ANKFN1: variants seen among roughly 807,000 people sequenced by gnomAD.
ANKFN1 encodes ankyrin repeat and fibronectin type III domain containing 1, also known as ankyrin repeat and fibronectin type-III domain-containing protein 1.
ANKFN1 carries 74 observed loss-of-function variants against 108.7 expected under a neutral mutation model. That is an observed-to-expected ratio of 0.68 (90% CI 0.56 to 0.83). The LOEUF (loss-of-function observed/expected upper bound fraction) is 0.83. Among genes scored for constraint, ANKFN1 ranks in the 40% least tolerant of loss-of-function variants. The pLI, the probability that ANKFN1 is intolerant of heterozygous loss-of-function variation, is 0.00. For synonymous variants in ANKFN1, 547 were observed against 516.2 expected, an observed-to-expected ratio of 1.06 and a Z score of -0.81; for missense variants, 1,505 against 1,382.3, an observed-to-expected ratio of 1.09 and a Z score of -1.41.
At chr17:56,360,866 T>C (rs938484776) in intron 6 of ANKFN1, among the ~76,000 whole-genome samples, 5 of 152,200 alleles carry the variant, frequency 3.3e-5, no homozygotes, top group Non-Finnish European at 7.3e-5. Context: ...ATATATGTGT[T>C]GTGTAAAGAT....
rs201314277 is a variant in ANKFN1 at position 56,069,142 on chromosome 17, TGTGTGG to T, written c.288+22821_288+22826del. 7.2e-3 allele frequency among the ~76,000 whole-genome samples: 1,101 copies of T among 152,326 alleles called. 15 individuals are homozygous for T. The highest frequency in any genetic ancestry group is 0.025 in the African/African-American group (1,032 of 41,570). On this transcript the variant is annotated intron_variant, in intron 4 of 12. Transcript: ENST00000635860. ...AATTTAGGCCAACCATGAAAATGTTTGTGTGGGTGCTCACAAAGAACAATACTGTTG... is the reference window on the plus strand; with the variant it reads ...AATTTAGGCCAACCATGAAAATGTTTGTGCTCACAAAGAACAATACTGTTG...
chr17:56,430,867 G>T lies in ANKFN1; in HGVS notation c.911-9460G>T, dbSNP rs538466120. 3.3e-5 allele frequency among the ~76,000 whole-genome samples: 5 copies of T among 152,288 alleles called. No homozygotes were observed. In the South Asian group the frequency reaches 1.0e-3, roughly 32 times the overall value. Reference sequence around the variant, plus strand: ...GGAACAGTATTTGGTGCTCTGAGAGGATATACCAGGACCCAATGTTGTCTT... The same window carrying T: ...GGAACAGTATTTGGTGCTCTGAGAGTATATACCAGGACCCAATGTTGTCTT... On this transcript the variant is annotated intron_variant, in intron 8 of 20. Transcript: ENST00000682825.
upstream of ANKFN1, chr17:56,153,450 G>A: frequency 6.2e-7 from 1 of 1,601,160 alleles, no homozygotes; most frequent in Non-Finnish European, 8.6e-7. Flanking sequence ...CATTCGCAAA[G>A]GGGTTTCCCT....
intron 1 of ANKFN1, among the ~76,000 whole-genome samples, chr17:56,179,002 G>A (rs937962532): frequency 2.0e-5 from 3 of 152,092 alleles, no homozygotes; most frequent in South Asian, 2.1e-4. Flanking sequence ...CAATGGAATC[G>A]ATTATAAATG....
At chr17:56,259,863 A>G (rs899036583) in intron 3 of ANKFN1, among the ~76,000 whole-genome samples, 2 of 151,902 alleles carry the variant, frequency 1.3e-5, no homozygotes, top group East Asian at 3.9e-4. Flanking sequence ...TACCAGGTAT[A>G]TATAGGATCC....
Position 56,240,253 on chromosome 17 carries a change from G to A in ANKFN1, c.53+12296G>A, listed in dbSNP as rs1038379043. Among the ~76,000 whole-genome samples, 14 of 151,924 alleles carry A rather than the reference G, an allele frequency of 9.2e-5. No individual in the cohort carries two copies. In the East Asian group the frequency reaches 1.2e-3, roughly 13 times the overall value. The stretch of plus-strand genomic sequence containing the variant: ...TTTTCTCTATCAGTGAGCAATATCC[G>A]TCATTGCTTCATAATTTTTAAGTTT... On this transcript the variant is annotated intron_variant, in intron 3 of 20. Coordinates refer to ENST00000682825, the MANE Select transcript of ANKFN1 (RefSeq NM_001370326.1).
At chr17:56,327,995 C>T (rs2045567835) in intron 4 of ANKFN1, among the ~76,000 whole-genome samples, 1 of 152,042 alleles carries the variant, frequency 6.6e-6, no homozygotes, top group Admixed American at 6.6e-5. Flanking sequence ...GAAGCATGAT[C>T]ACACTTAGGG....
At chr17:56,122,188 A>C (rs1329761360) in intron 4 of ANKFN1, among the ~76,000 whole-genome samples, 1 of 152,186 alleles carries the variant, frequency 6.6e-6, no homozygotes, top group East Asian at 1.9e-4. Context: ...ATATAGGGAG[A>C]TATATTCTCA....
chr17:56,234,055 A>T (rs749031496), intron 3 of ANKFN1, among the ~76,000 whole-genome samples: 4 of 152,174 alleles, frequency 2.6e-5, no homozygotes, highest in Non-Finnish European at 4.4e-5. Flanking sequence ...CATCATTAAC[A>T]TTCTCATCAC....
At chr17:56,326,475 C>A (rs2045520050) in intron 4 of ANKFN1, 120 bp downstream of exon 4, 1 of 1,286,526 alleles carries the variant, frequency 7.8e-7, no homozygotes. Context: ...CTGCATCTTC[C>A]AAAGTTAGCT....
chr17:56,254,667 G>T (rs941553042), intron 3 of ANKFN1, among the ~76,000 whole-genome samples: 2 of 152,108 alleles, frequency 1.3e-5, no homozygotes, highest in African/African-American at 2.4e-5. Flanking sequence ...AATCACCAGG[G>T]AAGCTTTGAA....
intron 4 of ANKFN1, among the ~76,000 whole-genome samples, chr17:56,138,251 G>A (rs534673276): frequency 4.6e-5 from 7 of 152,244 alleles, no homozygotes; most frequent in South Asian, 4.1e-4. Flanking sequence ...GATATATAGC[G>A]GGGCTTTGTG....
chr17:56,206,970 T>A (rs1914590301), intron 1 of ANKFN1: 1 of 152,320 alleles, frequency 6.6e-6, no homozygotes, highest in Non-Finnish European at 1.5e-5. Context: ...CAATCAAGGG[T>A]AGGTTTTTAC....
chr17:56,112,077 T>A (rs905272594), intron 4 of ANKFN1, among the ~76,000 whole-genome samples: 3 of 152,232 alleles, frequency 2.0e-5, no homozygotes, highest in Non-Finnish European at 2.9e-5. Flanking sequence ...CAAGGCTTTA[T>A]TGACAAAAAA....
chr17:56,501,297 A>T (rs183724261), intron 20 of ANKFN1, among the ~76,000 whole-genome samples: 25 of 152,336 alleles, frequency 1.6e-4, no homozygotes, highest in Admixed American at 1.4e-3. Flanking sequence ...TGTGATGGAA[A>T]GCCATTGGAA....
intron 6 of ANKFN1, among the ~76,000 whole-genome samples, chr17:56,365,326 G>A (rs2046630607): frequency 6.6e-6 from 1 of 152,110 alleles, no homozygotes; most frequent in African/African-American, 2.4e-5. Flanking sequence ...AGAACATAGA[G>A]TTATTTTATA....
intron 3 of ANKFN1, among the ~76,000 whole-genome samples, chr17:56,244,230 C>A (rs1917797409): frequency 6.6e-6 from 1 of 152,106 alleles, no homozygotes; most frequent in Non-Finnish European, 1.5e-5. Flanking sequence ...TTGTCAGACA[C>A]TGTGCTAGGT....
intron 4 of ANKFN1, among the ~76,000 whole-genome samples, chr17:56,142,801 T>C (rs1908003933): frequency 6.6e-6 from 1 of 152,220 alleles, no homozygotes; most frequent in Admixed American, 6.5e-5. Flanking sequence ...GTTTTGTTAT[T>C]GTAGACTCTC....
Position 56,466,336 on chromosome 17 carries a change from G to A in ANKFN1, c.1558-20G>A, listed in dbSNP as rs745452988. 75 of 1,606,514 alleles carry A rather than the reference G, an allele frequency of 4.7e-5. No homozygotes were observed. The highest frequency in any genetic ancestry group is 2.3e-4 in the Admixed American group (14 of 60,010). ...TTAGCATAATACCCTCTATGCTACC[G>A]GTAATCCATTTGTTTCCAGAATTTA... is the stretch of plus-strand genomic sequence containing the variant. On this transcript the variant is annotated intron_variant, in intron 14 of 20. Coordinates refer to ENST00000682825, the MANE Select transcript of ANKFN1 (RefSeq NM_001370326.1).
Sources: allele counts gnomAD v4.1 joint callset (sites outside exome capture counted in the v4.1 genomes callset), GRCh38; gene constraint gnomAD v4.1.1; transcripts MANE v1.5; gene names NCBI Gene and HGNC (gene_info 2026-07-23, HGNC 2026-07-21).